The following NFAT5 variants were observed in gnomAD, a reference collection of about 807,000 sequenced individuals.
NFAT5 encodes nuclear factor of activated T-cells 5.
Under a neutral mutation model 166.5 loss-of-function variants are expected in NFAT5, and 31 were observed. The observed-to-expected ratio is 0.19, with a 90% confidence interval of 0.14 to 0.25. NFAT5 has a LOEUF of 0.25. Among genes scored for constraint, NFAT5 ranks in the 10% least tolerant of loss-of-function variants. The probability of loss-of-function intolerance (pLI) is 1.00; values close to 1 mark genes in which losing one functional copy is unlikely to be tolerated. For missense variants in NFAT5, 1,449 were observed against 1,821.8 expected (o/e 0.80, Z 3.72); for synonymous variants, 612 against 639.7 (o/e 0.96, Z 0.65).
chr16:69,586,916 G>A (rs745455610), intron 2 of NFAT5, among the ~76,000 whole-genome samples: 1 of 152,122 alleles, frequency 6.6e-6, no homozygotes, highest in African/African-American at 2.4e-5. Context: ...TACTAAGTCT[G>A]ATAAAGGTAT....
chr16:69,648,256 T>A (rs1003174859), intron 4 of NFAT5: 10 of 985,016 alleles, frequency 1.0e-5, no homozygotes, highest in Non-Finnish European at 1.1e-5. Flanking sequence ...AAACAGTCAC[T>A]AAGAGCTATG....
At chr16:69,631,866 A>G (rs1001496980) in intron 3 of NFAT5, among the ~76,000 whole-genome samples, 1 of 152,194 alleles carries the variant, frequency 6.6e-6, no homozygotes, top group South Asian at 2.1e-4. Context: ...TCTTGGTTGA[A>G]TATCTCCACT....
At chr16:69,640,974 T>C in intron 3 of NFAT5, among the ~76,000 whole-genome samples, 1 of 140,412 alleles carries the variant, frequency 7.1e-6, no homozygotes, top group South Asian at 2.3e-4. Context: ...GGAGCGAAAC[T>C]CCATCTCAAA....
At chr16:69,616,298 C>T (rs1056053786) in intron 2 of NFAT5, among the ~76,000 whole-genome samples, 1 of 151,980 alleles carries the variant, frequency 6.6e-6, no homozygotes, top group African/African-American at 2.4e-5. Flanking sequence ...ACTATTTATA[C>T]CTGCCGGGTA....
intron 7 of NFAT5, among the ~76,000 whole-genome samples, chr16:69,665,244 T>C (rs552174069): frequency 6.6e-6 from 1 of 151,204 alleles, no homozygotes; most frequent in Non-Finnish European, 1.5e-5. Context: ...AAGCATTCCC[T>C]TTGAAAACTG....
At chr16:69,585,927 G>A (rs982371872) in intron 2 of NFAT5, among the ~76,000 whole-genome samples, 1 of 152,186 alleles carries the variant, frequency 6.6e-6, no homozygotes, top group Non-Finnish European at 1.5e-5. Context: ...TTCTGGAAAT[G>A]AATAATGGTA....
intron 2 of NFAT5, among the ~76,000 whole-genome samples, chr16:69,581,990 C>T (rs940243800): frequency 2.0e-5 from 3 of 152,130 alleles, no homozygotes; most frequent in Middle Eastern, 3.4e-3. Flanking sequence ...GCCGGGTGGG[C>T]GCAGTGGCTC....
Position 69,591,017 on chromosome 16 carries a change from C to T in NFAT5, c.127+22469C>T, listed in dbSNP as rs959527097. ...CGTAATCTCGGCTCACTGCAACCTT[C>T]GTCTCCTGGGTTCAAGCAATTCTCC... On this transcript the variant is annotated intron_variant, in intron 2 of 14. Transcript: ENST00000349945. 2.6e-5 allele frequency among the ~76,000 whole-genome samples: 4 copies of T among 152,224 alleles called. No individual in the cohort carries two copies. In the South Asian group the frequency reaches 8.3e-4, roughly 32 times the overall value.
intron 2 of NFAT5, among the ~76,000 whole-genome samples, chr16:69,583,355 T>C (rs2031825811): frequency 6.6e-6 from 1 of 151,052 alleles, no homozygotes; most frequent in African/African-American, 2.4e-5. Flanking sequence ...TGTTTACAGG[T>C]GTATAACACC....
intron 2 of NFAT5, among the ~76,000 whole-genome samples, chr16:69,591,947 C>T (rs2032485283): frequency 6.6e-6 from 1 of 152,042 alleles, no homozygotes; most frequent in Non-Finnish European, 1.5e-5. Flanking sequence ...AAAAAAATTA[C>T]AAAAAGTCTT....
At position 69,692,751 on chromosome 16, in the gene NFAT5, C is replaced by T. The variant is rs2151720335; in HGVS notation, c.2926C>T (p.Pro976Ser). Reference sequence around the variant, plus strand: ...AATGCAGTGTGAATTGTTTTCTTCTCCTCCTGCAGTTTCTGGAAATGAAAC... The same window carrying T: ...AATGCAGTGTGAATTGTTTTCTTCTTCTCCTGCAGTTTCTGGAAATGAAAC... ...MQMQCELFSS[P>S]PAVSGNETST... The change falls in exon 13 of 15, where the codon CCT becomes TCT. Residue 976 changes from proline to serine, a missense_variant. This residue lies in a region of NFAT5 where 891 missense variants were observed against 993.0 expected (regional missense o/e 0.90). Transcript: ENST00000349945. The T allele has an allele frequency of 5.0e-6, 8 of 1,614,186 alleles. No individual in the cohort carries two copies. The highest frequency in any genetic ancestry group is 4.2e-6 in the Non-Finnish European group (5 of 1,180,038).
intron 2 of NFAT5, among the ~76,000 whole-genome samples, chr16:69,599,721 A>G (rs756995476): frequency 1.5e-4 from 23 of 152,214 alleles, no homozygotes; most frequent in Non-Finnish European, 1.5e-4. Context: ...GGAGTAAGCA[A>G]TGGAGATAAA....
At chr16:69,650,560 CACT>C (rs1397087900) in intron 4 of NFAT5, among the ~76,000 whole-genome samples, 2 of 152,076 alleles carry the variant, frequency 1.3e-5, no homozygotes, top group Non-Finnish European at 2.9e-5. Context: ...TAGTAAAACT[CACT>C]TTCATTTATT....
intron 3 of NFAT5, among the ~76,000 whole-genome samples, chr16:69,643,353 T>C (rs1279063943): frequency 1.3e-5 from 2 of 152,192 alleles, no homozygotes; most frequent in Admixed American, 6.5e-5. Flanking sequence ...TCAGCACTTT[T>C]CTGGGAATGC....
intron 4 of NFAT5, among the ~76,000 whole-genome samples, chr16:69,650,420 A>G (rs911598575): frequency 6.6e-6 from 1 of 152,088 alleles, no homozygotes; most frequent in Admixed American, 6.6e-5. Context: ...TTTAGAAAAA[A>G]AAGATAGTTT....
At chr16:69,655,504 T>C (rs920481595) in intron 5 of NFAT5, 105 bp from the exon 6 acceptor site, 2 of 848,742 alleles carry the variant, frequency 2.4e-6, no homozygotes, top group Non-Finnish European at 3.3e-6. Flanking sequence ...TTTTTTTAAA[T>C]GTAATTCAGT....
intron 7 of NFAT5, 75 bp from the exon 8 acceptor site, chr16:69,669,902 A>C (rs1384578101): frequency 1.5e-6 from 2 of 1,317,724 alleles, no homozygotes; most frequent in African/African-American, 1.5e-5. Flanking sequence ...ATAGAACCGG[A>C]TGATTGCAAG....
rs1416097994 is a variant in NFAT5, at chr16:69,682,389, C to T, written c.1691-2498C>T. On this transcript the variant is annotated intron_variant, in intron 10 of 14. Coordinates refer to ENST00000349945, the MANE Select transcript of NFAT5 (RefSeq NM_138713.4). ...TCAGGAGGCCAAGGCAAGAGGATCA[C>T]TTGAGCCCAGGAGTTTGAGACCAGC... 2.0e-5 allele frequency among the ~76,000 whole-genome samples: 3 copies of T among 150,622 alleles called. No individual in the cohort carries two copies. In the East Asian group the frequency reaches 5.8e-4, roughly 29 times the overall value.
chr16:69,650,709 A>G (rs1396950151), intron 4 of NFAT5, among the ~76,000 whole-genome samples: 2 of 152,188 alleles, frequency 1.3e-5, no homozygotes, highest in Non-Finnish European at 2.9e-5. Context: ...ATTGATACAT[A>G]TGAATTACAA....
Sources: allele counts gnomAD v4.1 joint callset (sites outside exome capture counted in the v4.1 genomes callset), GRCh38; gene constraint gnomAD v4.1.1; regional missense constraint gnomAD v4.1.1; transcripts MANE v1.5; gene names NCBI Gene and HGNC (gene_info 2026-07-23, HGNC 2026-07-21).